Variants in SEC14L5 observed in about 807,000 individuals in gnomAD.
SEC14L5 encodes the protein SEC14 like lipid binding 5.
SEC14L5 carries 96 observed loss-of-function variants against 84.6 expected under a neutral mutation model. The observed-to-expected ratio is 1.13, with a 90% CI of 0.96 to 1.34. The LOEUF (loss-of-function observed/expected upper bound fraction) is 1.34. SEC14L5 is among the 40% of genes most tolerant of loss of function. SEC14L5 has a pLI of 0.00. For missense variants in SEC14L5, 1,224 were observed against 942.5 expected (o/e 1.30, Z -3.91); for synonymous variants, 546 against 383.4 (o/e 1.42, Z -4.95).
chr16:4,970,100 C>T (rs908512761), intron 2 of SEC14L5, among the ~76,000 whole-genome samples: 2 of 152,224 alleles, frequency 1.3e-5, no homozygotes, highest in Non-Finnish European at 2.9e-5. Context: ...GCGTGAGCCA[C>T]TGCACCTGGC....
intron 15 of SEC14L5, among the ~76,000 whole-genome samples, chr16:5,013,094 C>T (rs1596648430): frequency 6.6e-6 from 1 of 152,086 alleles, no homozygotes; most frequent in Non-Finnish European, 1.5e-5. Context: ...AACTCATTCA[C>T]TATCGCAAGA....
chr16:5,003,605 C>CA, intron 11 of SEC14L5, 32 bp downstream of exon 11: 1 of 217,332 alleles, frequency 4.6e-6, no homozygotes, highest in Non-Finnish European at 8.9e-6. Flanking sequence ...AGGACTCTCC[C>CA]TGGGGGTGGG....
intron 2 of SEC14L5, among the ~76,000 whole-genome samples, chr16:4,964,363 T>G (rs1955167250): frequency 6.6e-6 from 1 of 152,008 alleles, no homozygotes; most frequent in South Asian, 2.1e-4. Flanking sequence ...CCGAGGCAGG[T>G]GGATCATGAG....
intron 2 of SEC14L5, among the ~76,000 whole-genome samples, chr16:4,961,899 C>A (rs1305470810): frequency 6.6e-6 from 1 of 152,102 alleles, no homozygotes; most frequent in African/African-American, 2.4e-5. Context: ...TGTGAGCTGC[C>A]AGAGCCTTAA....
intron 15 of SEC14L5, among the ~76,000 whole-genome samples, chr16:5,012,479 G>A (rs1263673158): frequency 3.3e-5 from 5 of 152,198 alleles, no homozygotes; most frequent in Admixed American, 1.3e-4. Context: ...GGCTCGGATC[G>A]TGGGGGGACC....
At chr16:4,988,107 C>A in intron 3 of SEC14L5, 42 bp from the exon 4 acceptor site, 1 of 1,607,964 alleles carries the variant, frequency 6.2e-7, no homozygotes, top group Non-Finnish European at 8.5e-7. Flanking sequence ...GTGTGCTCCA[C>A]GCCGCCCACC....
chr16:4,988,796 G>A (rs1387073838), intron 4 of SEC14L5, among the ~76,000 whole-genome samples: 1 of 152,224 alleles, frequency 6.6e-6, no homozygotes, highest in Non-Finnish European at 1.5e-5. Context: ...AGTATATACT[G>A]ATTGAGCACC....
At chr16:4,998,275 G>A (rs934603647) in intron 8 of SEC14L5, among the ~76,000 whole-genome samples, 3 of 151,208 alleles carry the variant, frequency 2.0e-5, no homozygotes, top group African/African-American at 7.3e-5. Flanking sequence ...CTGAAGTGCT[G>A]GGATTACAGG....
intron 8 of SEC14L5, among the ~76,000 whole-genome samples, chr16:4,997,289 GA>G: frequency 6.6e-6 from 1 of 152,304 alleles, no homozygotes; most frequent in South Asian, 2.1e-4. Flanking sequence ...TAGTAGAGAT[GA>G]GGTTTTGCCA....
At chr16:5,012,913 A>AAAAC (rs1955822101) in intron 15 of SEC14L5, among the ~76,000 whole-genome samples, 1 of 150,124 alleles carries the variant, frequency 6.7e-6, no homozygotes, top group Admixed American at 6.7e-5. Flanking sequence ...AGGAAAAAAA[A>AAAAC]AAAACCTACC....
intron 15 of SEC14L5, among the ~76,000 whole-genome samples, chr16:5,013,151 A>AGG: frequency 6.6e-6 from 1 of 151,800 alleles, no homozygotes; most frequent in South Asian, 2.1e-4. Flanking sequence ...CTCCCACCAG[A>AGG]TCCCTCCCTC....
At chr16:5,003,336 G>T (rs945129616) in intron 10 of SEC14L5, 66 bp from the exon 11 acceptor site, 12 of 1,280,168 alleles carry the variant, frequency 9.4e-6, no homozygotes, top group African/African-American at 7.3e-5. Flanking sequence ...CATCCCCTGT[G>T]GGGAGGGTGT....
intron 4 of SEC14L5, 115 bp from the exon 5 acceptor site, chr16:4,990,652 T>G: frequency 9.4e-7 from 1 of 1,067,222 alleles, no homozygotes; most frequent in Non-Finnish European, 1.3e-6. Context: ...GTTGCCAGGC[T>G]TGATCTGCTT....
intron 14 of SEC14L5, among the ~76,000 whole-genome samples, chr16:5,008,861 G>T (rs751717193): frequency 1.3e-5 from 2 of 152,190 alleles, no homozygotes; most frequent in Non-Finnish European, 2.9e-5. Flanking sequence ...GAGAAAGCAC[G>T]GGGTGCTCTG....
intron 2 of SEC14L5, among the ~76,000 whole-genome samples, chr16:4,965,472 T>C (rs1360592268): frequency 6.6e-6 from 1 of 150,406 alleles, no homozygotes; most frequent in South Asian, 2.1e-4. Context: ...CCATCCTGGC[T>C]AACACGGTGA....
chr16:4,994,706 C>A (rs915618264), intron 6 of SEC14L5, among the ~76,000 whole-genome samples: 3 of 151,404 alleles, frequency 2.0e-5, no homozygotes, highest in Non-Finnish European at 4.4e-5. Context: ...TATAACAGCG[C>A]CCGCTCCTGC....
At chr16:4,987,060 A>G (rs1955495670) in intron 2 of SEC14L5, among the ~76,000 whole-genome samples, 1 of 152,188 alleles carries the variant, frequency 6.6e-6, no homozygotes, top group Non-Finnish European at 1.5e-5. Context: ...CACAAGCTCG[A>G]ATAGACACGA....
At chr16:5,011,570 C>T (rs1037852368) in intron 15 of SEC14L5, among the ~76,000 whole-genome samples, 1 of 152,174 alleles carries the variant, frequency 6.6e-6, no homozygotes, top group Non-Finnish European at 1.5e-5. Context: ...TAAACCCTTC[C>T]ATGTGGGCTT....
Position 5,000,860 on chromosome 16 carries a change from C to A in SEC14L5, c.1065C>A (p.Leu355=), listed in dbSNP as rs143694535. The A allele has an allele frequency of 2.4e-5, 39 of 1,604,526 alleles. No homozygotes were observed. The highest frequency in any genetic ancestry group is 3.3e-4 in the Middle Eastern group (2 of 6,048). ...GCACTGTCTCTCCCTTCCAGGTTCT[C>A]TCCGTCAACGAGGAAGGACAGAAGC... ...VGEEALLRHV[L]SVNEEGQKRC... is the part of the protein sequence containing the mutation. The change falls in exon 10 of 16, where the codon CTC becomes CTA. Residue 355 remains leucine (L), a synonymous_variant. Coordinates refer to ENST00000251170, the MANE Select transcript of SEC14L5 (RefSeq NM_014692.2).
Sources: allele counts gnomAD v4.1 joint callset (sites outside exome capture counted in the v4.1 genomes callset), GRCh38; gene constraint gnomAD v4.1.1; transcripts MANE v1.5; gene names NCBI Gene and HGNC (gene_info 2026-07-23, HGNC 2026-07-21).